Variants in MUSK observed in about 807,000 individuals in gnomAD.
MUSK encodes the protein muscle, skeletal receptor tyrosine-protein kinase.
Under a neutral mutation model 88.7 loss-of-function variants are expected in MUSK, and 55 were observed. That is an observed-to-expected ratio of 0.62 (90% CI 0.50 to 0.78). The LOEUF is 0.78. Ranked by LOEUF, MUSK falls within the 30% of genes least tolerant of loss-of-function variation. The pLI is 0.00. For synonymous variants in MUSK, 387 were observed against 391.9 expected (o/e 0.99, Z 0.15); for missense variants, 1,015 against 1,074.3 (o/e 0.94, Z 0.77).
chr9:110,771,380 G>A (rs1485593087), intron 9 of MUSK, among the ~76,000 whole-genome samples: 6 of 151,794 alleles, frequency 4.0e-5, no homozygotes, highest in East Asian at 3.9e-4. Context: ...GTGAGCCACC[G>A]CGCCCAGCCC....
chr9:110,676,363 T>TTATATATTATATATTATATATTATATAC (rs1491560076), intron 1 of MUSK, among the ~76,000 whole-genome samples: 119 of 148,936 alleles, frequency 8.0e-4, no homozygotes, highest in African/African-American at 2.8e-3. Context: ...ATATTATATA[T>TTATATATTATATATTATATATTATATAC]TATATATGTG....
chr9:110,702,314 T>C (rs553990081), intron 5 of MUSK, among the ~76,000 whole-genome samples: 2 of 152,050 alleles, frequency 1.3e-5, no homozygotes, highest in Non-Finnish European at 2.9e-5. Context: ...ACCTAGGAGA[T>C]TGGTTTTAAG....
At chr9:110,758,282 A>C (rs1339004191) in intron 7 of MUSK, among the ~76,000 whole-genome samples, 1 of 152,184 alleles carries the variant, frequency 6.6e-6, no homozygotes, top group African/African-American at 2.4e-5. Context: ...TAAAGTTTTA[A>C]AATGCAAAAT....
At chr9:110,707,613 T>C (rs775028282) in intron 5 of MUSK, among the ~76,000 whole-genome samples, 4 of 152,156 alleles carry the variant, frequency 2.6e-5, no homozygotes, top group Non-Finnish European at 4.4e-5. Context: ...TTAAGGAAAA[T>C]ATTGGGCAGA....
intron 7 of MUSK, among the ~76,000 whole-genome samples, chr9:110,755,862 TTCTC>T (rs925740522): frequency 6.7e-6 from 1 of 149,832 alleles, no homozygotes; most frequent in Non-Finnish European, 1.5e-5. Context: ...TTGTTATTGC[TTCTC>T]TGACTAATAA....
intron 5 of MUSK, among the ~76,000 whole-genome samples, chr9:110,706,564 G>A (rs1054637693): frequency 1.3e-5 from 2 of 152,170 alleles, no homozygotes; most frequent in Admixed American, 6.5e-5. Context: ...CTCAGGGGCA[G>A]AGGGATATGG....
chr9:110,730,056 T>C (rs1302362200), intron 5 of MUSK, among the ~76,000 whole-genome samples: 2 of 152,076 alleles, frequency 1.3e-5, no homozygotes, highest in East Asian at 3.9e-4. Context: ...GGGTATGTTA[T>C]AAAAGATTTT....
intron 8 of MUSK, among the ~76,000 whole-genome samples, chr9:110,764,130 T>C (rs1338460857): frequency 6.6e-6 from 1 of 152,210 alleles, no homozygotes; most frequent in African/African-American, 2.4e-5. Context: ...TATTAGAAGC[T>C]AGTCTGGCTG....
intron 8 of MUSK, among the ~76,000 whole-genome samples, chr9:110,762,624 T>C (rs767925433): frequency 3.9e-5 from 6 of 152,126 alleles, no homozygotes; most frequent in Admixed American, 6.5e-5. Flanking sequence ...TCAAGTGGCT[T>C]ACACAGCCAG....
In MUSK at chr9:110,697,486, C is replaced by T; in HGVS notation, c.628+20C>T. ...TTGAGGGTAAGGAGCTGCATTTCTT[C>T]CCCTGACTGTGTGACCAGGGGCCTC... On this transcript the variant is annotated intron_variant, in intron 5 of 14. Transcript: ENST00000374448. 2 of 1,602,644 alleles carry T rather than the reference C, an allele frequency of 1.2e-6. No homozygotes were observed. Among genetic ancestry groups the T allele is most frequent in the Non-Finnish European group, 1.7e-6 (2 of 1,173,622 alleles).
chr9:110,708,098 ATC>A (rs1164969906), intron 5 of MUSK, among the ~76,000 whole-genome samples: 1 of 127,816 alleles, frequency 7.8e-6, no homozygotes, highest in Non-Finnish European at 1.8e-5. Context: ...ATTCCTATCT[ATC>A]TATCTATCTA....
intron 5 of MUSK, among the ~76,000 whole-genome samples, chr9:110,699,037 C>T (rs753066818): frequency 3.3e-5 from 5 of 152,082 alleles, no homozygotes; most frequent in Non-Finnish European, 5.9e-5. Flanking sequence ...TAATACTGAT[C>T]ATTTAGGTCA....
Position 110,784,911 on chromosome 9 carries a change from T to C in MUSK, c.1481T>C (p.Met494Thr). 6.2e-7 allele frequency: 1 copy of C among 1,613,906 alleles called. No homozygotes were observed. The highest frequency in any genetic ancestry group is 8.5e-7 in the Non-Finnish European group (1 of 1,179,798). The change falls in exon 12 of 15, where the codon ATG becomes ACG. Residue 494 changes from methionine to threonine, a missense_variant. Met to Thr is a moderately conservative substitution (Grantham distance 81). Transcript: ENST00000374448. ...TTCTCTGTCTCACCTACATACTCCA[T>C]GACTGTAATAATCTCCATCATGTCC... Reference protein sequence around the residue: ...SSFSVSPTYSMTVIISIMSSF... With the variant: ...SSFSVSPTYSTTVIISIMSSF...
At chr9:110,706,246 G>T (rs2076596914) in intron 5 of MUSK, 2 of 356,296 alleles carry the variant, frequency 5.6e-6, no homozygotes, top group Non-Finnish European at 1.1e-5. Context: ...TTCTGCTTGA[G>T]ATCATTTCAT....
rs1284842978 is a variant in MUSK at position 110,802,393 on chromosome 9, A to C, written c.*1405A>C. 6.6e-6 allele frequency among the ~76,000 whole-genome samples: 1 copy of C among 152,174 alleles called. No homozygotes were observed. The highest frequency in any genetic ancestry group is 2.1e-4 in the South Asian group (1 of 4,824). On this transcript the variant is annotated 3_prime_UTR_variant, in exon 15 of 15. Transcript: ENST00000374448. ...AAACGAACAGGGAAGAGAAAATAAC[A>C]GTCTACTCTATACCAGCTTATCTTA...
rs532138027 is a variant in MUSK, at chr9:110,726,101, T to C, written c.629-8150T>C. On this transcript the variant is annotated intron_variant, in intron 5 of 14. Transcript: ENST00000374448. ...GTGTGCATGCATGTAAATGTGTGTATGTTAATGCATAAACATATATAAATT... is the reference window on the plus strand; with the variant it reads ...GTGTGCATGCATGTAAATGTGTGTACGTTAATGCATAAACATATATAAATT... Among the ~76,000 whole-genome samples the C allele has an allele frequency of 3.3e-5, 5 of 152,192 alleles. No homozygotes were observed. The South Asian group carries it at 6.2e-4, about 19-fold the overall frequency.
chr9:110,779,695 T>C (rs1358551163), intron 11 of MUSK, among the ~76,000 whole-genome samples: 3 of 152,178 alleles, frequency 2.0e-5, no homozygotes, highest in African/African-American at 7.2e-5. Context: ...TCTAATAATT[T>C]CATGACATTA....
intron 1 of MUSK, among the ~76,000 whole-genome samples, chr9:110,672,206 C>CT (rs2075966730): frequency 6.6e-6 from 1 of 152,172 alleles, no homozygotes; most frequent in African/African-American, 2.4e-5. Context: ...TCTTTAAACT[C>CT]TACCTTATTT....
intron 5 of MUSK, among the ~76,000 whole-genome samples, chr9:110,710,993 G>C (rs1201580680): frequency 6.6e-6 from 1 of 152,018 alleles, no homozygotes; most frequent in East Asian, 1.9e-4. Context: ...GCAAACTATT[G>C]CAAGGACAAA....
Sources: gnomAD v4.1 joint callset for allele counts (sites outside exome capture counted in the v4.1 genomes callset) on GRCh38, gnomAD v4.1.1 for gene constraint, MANE v1.5 for transcripts, NCBI Gene and HGNC (gene_info 2026-07-23, HGNC 2026-07-21) for gene names.